The following OARD1 variants were observed in gnomAD, a reference collection of about 807,000 sequenced individuals.
OARD1 encodes the protein O-acyl-ADP-ribose deacylase 1.
Under a neutral mutation model 19.7 loss-of-function variants are expected in OARD1, and 19 were observed. The observed-to-expected ratio is 0.96, with a 90% CI of 0.67 to 1.41. The LOEUF is 1.41. Among genes scored for constraint, OARD1 ranks in the 40% most tolerant of loss-of-function variants. The pLI is 0.00. For synonymous variants in OARD1, 70 were observed against 61.8 expected, an observed-to-expected ratio of 1.13 and a Z score of -0.62; for missense variants, 190 against 183.8, an observed-to-expected ratio of 1.03 and a Z score of -0.20.
At chr6:41,088,529 G>C (rs1764110604) in intron 1 of OARD1, among the ~76,000 whole-genome samples, 1 of 152,056 alleles carries the variant, frequency 6.6e-6, no homozygotes, top group Non-Finnish European at 1.5e-5. Context: ...CCTTATCAAG[G>C]TGTTGTCCTG....
chr6:41,073,216 C>G (rs893955647), upstream of OARD1: 2 of 151,812 alleles, frequency 1.3e-5, no homozygotes, highest in Non-Finnish European at 2.9e-5. Flanking sequence ...CTAGCCGAGC[C>G]GGGCGGCCAG....
At chr6:41,080,831 T>C (rs755564296) in intron 1 of OARD1, 1 of 1,613,976 alleles carries the variant, frequency 6.2e-7, no homozygotes, top group East Asian at 2.2e-5. Context: ...GTGTCACTGC[T>C]GTGCAGTTGC....
At chr6:41,076,332 A>G (rs141963421), upstream of OARD1, among the ~76,000 whole-genome samples, 305 of 152,362 alleles carry the variant, frequency 2.0e-3, no homozygotes, top group African/African-American at 6.9e-3. Flanking sequence ...TTTCAGTTAC[A>G]TGCTTTATAC....
upstream of OARD1, among the ~76,000 whole-genome samples, chr6:41,076,309 C>A (rs1763732487): frequency 1.3e-5 from 2 of 152,188 alleles, no homozygotes; most frequent in Admixed American, 1.3e-4. Context: ...AATGCTGTTT[C>A]ATGAAACTTT....
chr6:41,068,820 T>G, intron 5 of OARD1, 21 bp downstream of exon 5: 1 of 1,279,586 alleles, frequency 7.8e-7, no homozygotes, highest in Non-Finnish European at 1.1e-6. Flanking sequence ...AATCTCCATT[T>G]AGGACCATGG....
intron 1 of OARD1, chr6:41,092,990 C>G: frequency 6.2e-7 from 1 of 1,614,106 alleles, no homozygotes; most frequent in Non-Finnish European, 8.5e-7. Flanking sequence ...AGAAGAGCCT[C>G]TCTACGTGAA....
chr6:41,085,684 G>A (rs1161118245), intron 1 of OARD1, among the ~76,000 whole-genome samples: 1 of 151,786 alleles, frequency 6.6e-6, no homozygotes, highest in Admixed American at 6.6e-5. Flanking sequence ...TACTTTTTGT[G>A]TATTCTTTTG....
upstream of OARD1, among the ~76,000 whole-genome samples, chr6:41,076,645 C>G (rs1763739877): frequency 6.6e-6 from 1 of 152,190 alleles, no homozygotes; most frequent in Non-Finnish European, 1.5e-5. Context: ...AATTTTCATG[C>G]TAGCCAGAAT....
chr6:41,088,896 A>G (rs1374353229), intron 1 of OARD1, among the ~76,000 whole-genome samples: 1 of 152,120 alleles, frequency 6.6e-6, no homozygotes, highest in Non-Finnish European at 1.5e-5. Flanking sequence ...CATTTTTAAT[A>G]TATATAGTAT....
chr6:41,085,498 C>A (rs1341828140), intron 1 of OARD1, among the ~76,000 whole-genome samples: 1 of 151,942 alleles, frequency 6.6e-6, no homozygotes, highest in Non-Finnish European at 1.5e-5. Context: ...TAACCAACCC[C>A]CCATGAGTAT....
intron 5 of OARD1, among the ~76,000 whole-genome samples, chr6:41,068,608 G>C (rs1267828456): frequency 6.6e-6 from 1 of 152,232 alleles, no homozygotes; most frequent in East Asian, 1.9e-4. Flanking sequence ...AGCAGGCTGA[G>C]GCAGATGTAT....
intron 1 of OARD1, among the ~76,000 whole-genome samples, chr6:41,082,541 A>G (rs140574056): frequency 3.7e-3 from 557 of 152,354 alleles, no homozygotes; most frequent in Admixed American, 7.6e-3. Context: ...AATTAAGATG[A>G]TGAATAGATA....
chr6:41,080,914 T>C (rs1316304778), intron 1 of OARD1: 7 of 1,604,910 alleles, frequency 4.4e-6, no homozygotes, highest in Non-Finnish European at 6.0e-6. Context: ...CCCTCTCTGA[T>C]TCTCTGTGAG....
upstream of OARD1, among the ~76,000 whole-genome samples, chr6:41,074,176 C>G (rs1186435298): frequency 1.3e-5 from 2 of 152,188 alleles, no homozygotes; most frequent in African/African-American, 2.4e-5. Context: ...CCAGTCCACT[C>G]ATCTCTTGGT....
At chr6:41,072,054 G>C (rs913239220) in intron 1 of OARD1, among the ~76,000 whole-genome samples, 182 bp downstream of exon 1, 1 of 152,258 alleles carries the variant, frequency 6.6e-6, no homozygotes. Flanking sequence ...GAAGAAAACA[G>C]AAGGGACTTG....
At chr6:41,070,290 T>G (rs2114057008) in intron 3 of OARD1, among the ~76,000 whole-genome samples, 156 bp from the exon 4 acceptor site, 1 of 152,364 alleles carries the variant, frequency 6.6e-6, no homozygotes, top group Admixed American at 6.5e-5. Context: ...CCACAAACAC[T>G]TTGCTTTTTA....
chr6:41,095,135 A>C (rs986870298), intron 1 of OARD1, among the ~76,000 whole-genome samples: 1 of 152,094 alleles, frequency 6.6e-6, no homozygotes, highest in Non-Finnish European at 1.5e-5. Flanking sequence ...TGTTTATCCT[A>C]TCAAGTCCCT....
chr6:41,070,227 C>G (rs754367860), intron 3 of OARD1, 93 bp from the exon 4 acceptor site: 1 of 752,988 alleles, frequency 1.3e-6, no homozygotes, highest in Non-Finnish European at 2.3e-6. Context: ...GAGTTTACCT[C>G]AGAACTAGAA....
chr6:41,075,731 A>C, upstream of OARD1: 1 of 20,084 alleles, frequency 5.0e-5, no homozygotes. Flanking sequence ...TTCAAGTAGT[A>C]CCTTTTTTTT....
Sources: allele counts gnomAD v4.1 joint callset (sites outside exome capture counted in the v4.1 genomes callset), GRCh38; gene constraint gnomAD v4.1.1; transcripts MANE v1.5; gene names NCBI Gene and HGNC (gene_info 2026-07-23, HGNC 2026-07-21).